PDS5B: variants seen among roughly 807,000 people sequenced by gnomAD.
PDS5B encodes PDS5 cohesin associated factor B.
A neutral mutation model predicts 184.1 loss-of-function variants in PDS5B; 51 were observed. The observed-to-expected ratio is 0.28, with a 90% confidence interval of 0.22 to 0.35. The LOEUF (loss-of-function observed/expected upper bound fraction) is 0.35, where lower values mean the gene tolerates loss of function less well. Ranked by LOEUF, PDS5B falls within the 10% of genes least tolerant of loss-of-function variation. PDS5B has a pLI of 1.00. For synonymous variants in PDS5B, 566 were observed against 569.2 expected (o/e 0.99, Z 0.08); for missense variants, 1,180 against 1,723.3 (o/e 0.68, Z 5.58).
intron 1 of PDS5B, among the ~76,000 whole-genome samples, chr13:32,615,183 CAT>C: frequency 6.6e-6 from 1 of 152,214 alleles, no homozygotes; most frequent in Non-Finnish European, 1.5e-5. Context: ...TAAATTGACT[CAT>C]ATCTATATAT....
intron 1 of PDS5B, among the ~76,000 whole-genome samples, chr13:32,630,547 A>T (rs2058438433): frequency 6.6e-6 from 1 of 152,218 alleles, no homozygotes. Flanking sequence ...ATGTAGAGGA[A>T]GTGATGAATG....
intron 15 of PDS5B, among the ~76,000 whole-genome samples, chr13:32,697,276 A>G (rs1487727161): frequency 1.3e-5 from 2 of 152,214 alleles, no homozygotes; most frequent in East Asian, 1.9e-4. Context: ...GTAAAATGGT[A>G]TTTCATTTAA....
At chr13:32,747,475 G>A (rs975268390) in intron 24 of PDS5B, among the ~76,000 whole-genome samples, 1 of 151,842 alleles carries the variant, frequency 6.6e-6, no homozygotes, top group African/African-American at 2.4e-5. Flanking sequence ...TATTTCGGCC[G>A]GGCGTGGTGG....
intron 30 of PDS5B, among the ~76,000 whole-genome samples, chr13:32,762,194 C>T (rs1954429438): frequency 6.6e-6 from 1 of 152,166 alleles, no homozygotes; most frequent in African/African-American, 2.4e-5. Context: ...CATCCTTTCA[C>T]TGGTTTTAGC....
At chr13:32,752,026 A>G (rs912262025) in intron 24 of PDS5B, among the ~76,000 whole-genome samples, 4 of 151,918 alleles carry the variant, frequency 2.6e-5, no homozygotes, top group Admixed American at 1.3e-4. Context: ...AATTGTTACA[A>G]TAGTAAGAAA....
chr13:32,707,061 A>G, intron 18 of PDS5B, 22 bp downstream of exon 18: 1 of 1,296,152 alleles, frequency 7.7e-7, no homozygotes, highest in Non-Finnish European at 1.1e-6. Context: ...TTTAAAATTA[A>G]GTGCCTAATT....
In PDS5B at chr13:32,770,738, A is replaced by G. The variant is rs773739816; in HGVS notation, c.4149A>G (p.Ser1383=). 2.5e-6 allele frequency: 4 copies of G among 1,606,698 alleles called. 1 individual carries two copies. In the South Asian group the frequency reaches 4.5e-5, roughly 18 times the overall value. Residue 1383 remains serine (S), a synonymous_variant, in exon 33 of 35, where the codon TCA becomes TCG. Coordinates refer to ENST00000315596, the MANE Select transcript of PDS5B (RefSeq NM_015032.4). ...KGRGRPSKTP[S]PSQPKKNVRV... ...GAGGAAGACCATCAAAAACGCCATC[A>G]CCATCACAACCAAAAAAAAATGTGT...
At chr13:32,622,646 G>A (rs369157698) in intron 1 of PDS5B, among the ~76,000 whole-genome samples, 6 of 151,986 alleles carry the variant, frequency 3.9e-5, no homozygotes, top group African/African-American at 1.2e-4. Flanking sequence ...GTACTGTGCC[G>A]GTGGACATGT....
chr13:32,623,520 C>T (rs922371472), intron 1 of PDS5B, among the ~76,000 whole-genome samples: 8 of 152,006 alleles, frequency 5.3e-5, no homozygotes, highest in Non-Finnish European at 7.4e-5. Flanking sequence ...ATAGTAACAT[C>T]GTTAGTCTGA....
chr13:32,727,163 T>C (rs977670364), intron 19 of PDS5B, among the ~76,000 whole-genome samples: 4 of 152,214 alleles, frequency 2.6e-5, no homozygotes, highest in Non-Finnish European at 4.4e-5. Context: ...TCAAGTATTA[T>C]GATTTTATCT....
intron 12 of PDS5B, among the ~76,000 whole-genome samples, 179 bp from the exon 13 acceptor site, chr13:32,688,277 A>G (rs1362738869): frequency 6.6e-6 from 1 of 152,072 alleles, no homozygotes; most frequent in African/African-American, 2.4e-5. Flanking sequence ...ACATCCAGCT[A>G]AATCCTGTTT....
At chr13:32,602,793 C>T (rs546660438) in intron 1 of PDS5B, among the ~76,000 whole-genome samples, 6 of 152,262 alleles carry the variant, frequency 3.9e-5, no homozygotes, top group South Asian at 2.1e-4. Flanking sequence ...GCCATTCTAA[C>T]GGGTGTGACA....
chr13:32,757,514 A>G (rs1281488441), intron 26 of PDS5B, among the ~76,000 whole-genome samples: 4 of 151,842 alleles, frequency 2.6e-5, no homozygotes, highest in Non-Finnish European at 5.9e-5. Flanking sequence ...TTCATTTTGT[A>G]TTGAATAGAG....
rs570641587 is a variant in PDS5B at position 32,696,206 on chromosome 13, G to A, written c.1552-648G>A. ...TTCAGTTCAATGTTTATTTAGCTCA[G>A]TACTTTAAATACACTTGCTCAATGA... On this transcript the variant is annotated intron_variant, in intron 14 of 34. Coordinates refer to ENST00000315596, the MANE Select transcript of PDS5B (RefSeq NM_015032.4). Among the ~76,000 whole-genome samples, 6 of 152,114 alleles carry A rather than the reference G, an allele frequency of 3.9e-5. No individual in the cohort carries two copies. The South Asian group carries it at 1.0e-3, about 26-fold the overall frequency.
At chr13:32,684,638 A>G (rs1008727317) in intron 11 of PDS5B, among the ~76,000 whole-genome samples, 2 of 152,246 alleles carry the variant, frequency 1.3e-5, no homozygotes, top group Admixed American at 6.5e-5. Context: ...CTCAGGAAAT[A>G]CTTTAATGAA....
chr13:32,595,090 A>G (rs1445414482), intron 1 of PDS5B, among the ~76,000 whole-genome samples: 6 of 152,124 alleles, frequency 3.9e-5, no homozygotes, highest in Admixed American at 1.3e-4. Flanking sequence ...CCAGTACAAT[A>G]TATCCCAAAC....
chr13:32,759,367 G>T (rs1954297650), intron 28 of PDS5B, among the ~76,000 whole-genome samples: 1 of 152,122 alleles, frequency 6.6e-6, no homozygotes, highest in Non-Finnish European at 1.5e-5. Flanking sequence ...CCCCTGAAGG[G>T]TGTTATTAAA....
At chr13:32,594,254 G>A (rs978843847) in intron 1 of PDS5B, among the ~76,000 whole-genome samples, 22 of 148,516 alleles carry the variant, frequency 1.5e-4, no homozygotes, top group Non-Finnish European at 6.0e-5. Flanking sequence ...TAAAAAAGCA[G>A]TTATAACTTT....
chr13:32,684,236 A>G (rs1180000926), intron 11 of PDS5B, among the ~76,000 whole-genome samples: 1 of 152,122 alleles, frequency 6.6e-6, no homozygotes, highest in Non-Finnish European at 1.5e-5. Flanking sequence ...ATTTGTTCTA[A>G]TCCTGAAGAT....
Sources: allele counts gnomAD v4.1 joint callset (sites outside exome capture counted in the v4.1 genomes callset), GRCh38; gene constraint gnomAD v4.1.1; transcripts MANE v1.5; gene names NCBI Gene and HGNC (gene_info 2026-07-23, HGNC 2026-07-21).